The following STK3 variants were observed in gnomAD, a reference collection of about 807,000 sequenced individuals.
STK3 encodes serine/threonine kinase 3.
Under a neutral mutation model 58.0 loss-of-function variants are expected in STK3, and 41 were observed. The observed-to-expected ratio is 0.71, with a 90% CI of 0.55 to 0.92. STK3 has a LOEUF of 0.92. STK3 is among the 40% of genes least tolerant of loss of function. STK3 has a pLI of 0.00. For synonymous variants in STK3, 170 were observed against 191.0 expected (o/e 0.89, Z 0.91); for missense variants, 479 against 602.7 (o/e 0.79, Z 2.15).
chr8:98,595,853 T>C (rs1329336748), intron 7 of STK3, 179 bp downstream of exon 7: 4 of 548,438 alleles, frequency 7.3e-6, no homozygotes, highest in Non-Finnish European at 1.2e-5. Flanking sequence ...TGTTTTAAAA[T>C]GACTCTGGGG....
At chr8:98,640,092 CA>C (rs912982775) in intron 6 of STK3, among the ~76,000 whole-genome samples, 1 of 152,134 alleles carries the variant, frequency 6.6e-6, no homozygotes, top group African/African-American at 2.4e-5. Flanking sequence ...CTCACCCCAT[CA>C]CCCAGGCTGG....
At chr8:98,627,500 A>G (rs1010746535) in intron 6 of STK3, among the ~76,000 whole-genome samples, 1 of 151,272 alleles carries the variant, frequency 6.6e-6, no homozygotes, top group African/African-American at 2.4e-5. Context: ...AAAAAAGAAA[A>G]AAAAAAAAAA....
At chr8:98,659,607 C>T (rs982202785) in intron 6 of STK3, among the ~76,000 whole-genome samples, 3 of 151,528 alleles carry the variant, frequency 2.0e-5, no homozygotes, top group African/African-American at 7.3e-5. Flanking sequence ...TAATTTGAAC[C>T]GATGCAGTGT....
chr8:98,399,939 C>G (rs187717631), downstream of STK3, among the ~76,000 whole-genome samples: 1 of 152,326 alleles, frequency 6.6e-6, no homozygotes, highest in Admixed American at 6.5e-5. Flanking sequence ...AAACTTGTAT[C>G]ACCACTCCAC....
intron 1 of STK3, chr8:98,906,262 C>T (rs1464298135): frequency 6.6e-6 from 1 of 152,346 alleles, no homozygotes; most frequent in Non-Finnish European, 1.5e-5. Context: ...GAGTTAGGGC[C>T]GTTTCTTGGT....
chr8:98,566,440 A>G (rs1812487406), intron 8 of STK3, among the ~76,000 whole-genome samples: 1 of 152,056 alleles, frequency 6.6e-6, no homozygotes, highest in South Asian at 2.1e-4. Flanking sequence ...TAACCCATAC[A>G]TTTTCTGAAA....
intron 6 of STK3, among the ~76,000 whole-genome samples, chr8:98,639,630 G>A (rs1245586781): frequency 6.6e-6 from 1 of 151,954 alleles, no homozygotes; most frequent in Non-Finnish European, 1.5e-5. Context: ...CTTACTTTTT[G>A]TTTCTTTATT....
chr8:98,527,195 T>C (rs953178386), intron 9 of STK3, among the ~76,000 whole-genome samples: 1 of 152,228 alleles, frequency 6.6e-6, no homozygotes, highest in African/African-American at 2.4e-5. Context: ...AGAATTTTAT[T>C]AAAAATCATT....
intron 1 of STK3, among the ~76,000 whole-genome samples, chr8:98,901,240 A>T (rs1838645646): frequency 6.6e-6 from 1 of 152,224 alleles, no homozygotes; most frequent in Admixed American, 6.5e-5. Context: ...AGGGATAATG[A>T]TTCCTACATC....
At chr8:98,612,756 G>A (rs989859358) in intron 6 of STK3, among the ~76,000 whole-genome samples, 8 of 152,236 alleles carry the variant, frequency 5.3e-5, no homozygotes, top group African/African-American at 1.7e-4. Context: ...AGAAAAAACT[G>A]TAGTCCCACT....
At chr8:98,458,581 T>C (rs1266905317) in intron 10 of STK3, among the ~76,000 whole-genome samples, 1 of 152,180 alleles carries the variant, frequency 6.6e-6, no homozygotes, top group Admixed American at 6.5e-5. Context: ...GGTTTGGCTG[T>C]GTCCCCACCC....
intron 3 of STK3, chr8:98,429,340 C>T: frequency 6.2e-7 from 1 of 1,614,122 alleles, no homozygotes. Context: ...AAAGTTAAAT[C>T]CCTTATGGCA....
At chr8:98,395,629 C>T (rs1036713872) in intron 3 of STK3, among the ~76,000 whole-genome samples, 1 of 152,104 alleles carries the variant, frequency 6.6e-6, no homozygotes, top group African/African-American at 2.4e-5. Context: ...AGACACAATC[C>T]CTGACAGATA....
At chr8:98,533,958 AT>A (rs1363907345) in intron 9 of STK3, among the ~76,000 whole-genome samples, 2 of 152,226 alleles carry the variant, frequency 1.3e-5, no homozygotes, top group African/African-American at 4.8e-5. Flanking sequence ...AGCAGGAGCC[AT>A]GGTTTTTCAT....
At chr8:98,363,101 A>G in the STK3 span, among the ~76,000 whole-genome samples, 1 of 152,234 alleles carries the variant, frequency 6.6e-6, no homozygotes, top group African/African-American at 2.4e-5. Flanking sequence ...CTCAAAGCCT[A>G]CACATGCTTG....
At chr8:98,351,311 T>G in the STK3 span, among the ~76,000 whole-genome samples, 1 of 152,178 alleles carries the variant, frequency 6.6e-6, no homozygotes, top group African/African-American at 2.4e-5. Context: ...GTATAATGGC[T>G]CCATGTCCTG....
At chr8:98,548,678 G>A (rs996748588) in intron 8 of STK3, among the ~76,000 whole-genome samples, 12 of 151,972 alleles carry the variant, frequency 7.9e-5, no homozygotes, top group African/African-American at 2.4e-4. Flanking sequence ...TATTTACAAT[G>A]TTGTGCAACC....
the STK3 span, among the ~76,000 whole-genome samples, chr8:98,352,824 T>G: frequency 6.6e-6 from 1 of 152,224 alleles, no homozygotes; most frequent in African/African-American, 2.4e-5. Flanking sequence ...GCATCTTAGG[T>G]GGAGACTGAA....
downstream of STK3, among the ~76,000 whole-genome samples, chr8:98,451,713 G>A (rs1311713166): frequency 2.6e-5 from 4 of 152,148 alleles, no homozygotes; most frequent in Admixed American, 1.3e-4. Flanking sequence ...GGTTGAAGGT[G>A]GTTTGTATGG....
Sources: allele counts gnomAD v4.1 joint callset (sites outside exome capture counted in the v4.1 genomes callset), GRCh38; gene constraint gnomAD v4.1.1; transcripts MANE v1.5; gene names NCBI Gene and HGNC (gene_info 2026-07-23, HGNC 2026-07-21).